TFPI: variants seen among roughly 807,000 people sequenced by gnomAD.
The protein encoded by TFPI is anti-convertin.
A neutral mutation model predicts 34.6 loss-of-function variants in TFPI; 15 were observed. The ratio of observed to expected loss-of-function variants is 0.43; its 90% CI spans 0.29 to 0.67. The LOEUF is 0.67. Among genes scored for constraint, TFPI ranks in the 30% least tolerant of loss-of-function variants. TFPI has a pLI of 0.15. For missense variants in TFPI, 301 were observed against 364.0 expected (o/e 0.83, Z 1.41); for synonymous variants, 105 against 120.1 (o/e 0.87, Z 0.82).
intron 6 of TFPI, chr2:187,478,668 C>T: frequency 6.2e-7 from 1 of 1,611,304 alleles, no homozygotes. Flanking sequence ...ATGCCAAAAG[C>T]ACAAATATTA....
intron 1 of TFPI, among the ~76,000 whole-genome samples, chr2:187,513,259 G>A (rs1686768718): frequency 6.6e-6 from 1 of 152,004 alleles, no homozygotes; most frequent in Non-Finnish European, 1.5e-5. Context: ...AACACAACGG[G>A]TTTTTTCTTA....
chr2:187,553,795 A>G (rs1395710422), intron 1 of TFPI, among the ~76,000 whole-genome samples: 1 of 152,246 alleles, frequency 6.6e-6, no homozygotes, highest in East Asian at 1.9e-4. Context: ...TTTGAATAGA[A>G]GAATAACAGT....
At chr2:187,490,357 A>G (rs1685035800) in intron 3 of TFPI, among the ~76,000 whole-genome samples, 1 of 151,700 alleles carries the variant, frequency 6.6e-6, no homozygotes, top group Non-Finnish European at 1.5e-5. Context: ...AACTGAACTG[A>G]ATAATTGTAT....
In TFPI at chr2:187,484,998, T is replaced by A. The variant is rs774096747; in HGVS notation, c.359-11A>T. Reference sequence around the variant, plus strand: ...AGAAATCTGGCTTTTCTAGAAATTATAAAAATGTCAGAAAGCAATATTCTT... The same window carrying A: ...AGAAATCTGGCTTTTCTAGAAATTAAAAAAATGTCAGAAAGCAATATTCTT... On this transcript the variant is annotated splice_polypyrimidine_tract_variant and intron_variant, in intron 4 of 7. Coordinates refer to ENST00000233156, the MANE Select transcript of TFPI (RefSeq NM_006287.6). The A allele has an allele frequency of 2.2e-5, 33 of 1,483,582 alleles. No homozygotes were observed. The highest frequency in any genetic ancestry group is 2.3e-5 in the Non-Finnish European group (26 of 1,119,326). 91.9% of individuals were successfully genotyped at this position (1,483,582 alleles called of 1,614,324 possible). A position where few individuals can be genotyped will look rare whatever the true frequency, so the allele number is the denominator to read the frequency against.
chr2:187,538,278 A>T (rs1284610602), intron 1 of TFPI, among the ~76,000 whole-genome samples: 2 of 152,354 alleles, frequency 1.3e-5, no homozygotes, highest in East Asian at 3.9e-4. Context: ...ATAAAGACAT[A>T]TGCACAAGTA....
rs563860365 is a variant in TFPI at position 187,467,990 on chromosome 2, G to A, written c.629-58C>T. 87 of 1,412,264 alleles carry A rather than the reference G, an allele frequency of 6.2e-5. No individual in the cohort carries two copies. In the African/African-American group the frequency reaches 9.5e-4, roughly 15 times the overall value. The allele number at this position is 1,412,264 out of a possible 1,614,324, so 87.5% of individuals were successfully genotyped here. A position where few individuals can be genotyped will look rare whatever the true frequency, so the allele number is the denominator to read the frequency against. On this transcript the variant is annotated intron_variant, in intron 6 of 7. Coordinates refer to ENST00000233156, the MANE Select transcript of TFPI (RefSeq NM_006287.6). ...ATGTGATAGTGGATTTCAGGTTTTC[G>A]TATTGTATATTGTTTATAGATTAAT...
chr2:187,485,895 G>A (rs1285911935), intron 4 of TFPI, among the ~76,000 whole-genome samples: 1 of 151,516 alleles, frequency 6.6e-6, no homozygotes, highest in Non-Finnish European at 1.5e-5. Flanking sequence ...ACTGAACTGT[G>A]GTAACCTTTT....
At chr2:187,490,111 A>G (rs1479656481) in intron 3 of TFPI, among the ~76,000 whole-genome samples, 3 of 151,644 alleles carry the variant, frequency 2.0e-5, no homozygotes, top group Non-Finnish European at 4.4e-5. Context: ...TGGTTGACAC[A>G]CATTGGCATA....
chr2:187,473,013 GA>G (rs8176626), intron 6 of TFPI, among the ~76,000 whole-genome samples: 6,116 of 148,576 alleles, frequency 0.041, 184 homozygotes, highest in South Asian at 0.12. Context: ...ACTCCATCTC[GA>G]AAAAAAAAGA....
In TFPI at chr2:187,465,251, T is replaced by C. The variant is rs1260155190; in HGVS notation, c.*1685A>G. 6.6e-6 allele frequency: 1 copy of C among 152,100 alleles called. No homozygotes were observed. Among genetic ancestry groups the C allele is most frequent in the African/African-American group, 2.4e-5 (1 of 41,370 alleles). 9.4% of individuals were successfully genotyped at this position (152,100 alleles called of 1,614,324 possible). On this transcript the variant is annotated 3_prime_UTR_variant, in exon 8 of 8. Transcript: ENST00000233156. ...GGGGCATTGTGGTTTATACCTGTAA[T>C]CCCAGCACTTTGGGAGGCTGGGGCT...
In TFPI at chr2:187,464,521, T is replaced by A. The variant is rs1009078699; in HGVS notation, c.*2415A>T. The A allele has an allele frequency of 6.6e-6, 1 of 152,150 alleles. No individual in the cohort carries two copies. The highest frequency in any genetic ancestry group is 1.5e-5 in the Non-Finnish European group (1 of 68,022). 9.4% of individuals were successfully genotyped at this position (152,150 alleles called of 1,614,324 possible). ...TCAGTATATGTCTTTCTTGAGTAAGTAGTGAACCAATGGACCAGTGGTTAT... is the reference window on the plus strand; with the variant it reads ...TCAGTATATGTCTTTCTTGAGTAAGAAGTGAACCAATGGACCAGTGGTTAT... On this transcript the variant is annotated 3_prime_UTR_variant, in exon 8 of 8. Coordinates refer to ENST00000233156, the MANE Select transcript of TFPI (RefSeq NM_006287.6).
intron 1 of TFPI, among the ~76,000 whole-genome samples, chr2:187,521,659 C>T (rs1687379492): frequency 6.6e-6 from 1 of 152,062 alleles, no homozygotes; most frequent in South Asian, 2.1e-4. Context: ...ACCTCCACCT[C>T]CCGGGTTCAA....
At chr2:187,528,373 T>G (rs1044252642) in intron 1 of TFPI, among the ~76,000 whole-genome samples, 1 of 152,300 alleles carries the variant, frequency 6.6e-6, no homozygotes, top group Middle Eastern at 3.4e-3. Context: ...ATTATATTTA[T>G]TTTCCCTTCA....
At chr2:187,522,728 A>C (rs1433559144) in intron 1 of TFPI, among the ~76,000 whole-genome samples, 1 of 21,864 alleles carries the variant, frequency 4.6e-5, no homozygotes, top group Non-Finnish European at 1.0e-4. Context: ...CTAAAAATAC[A>C]AAAAAAAAAA....
intron 1 of TFPI, among the ~76,000 whole-genome samples, chr2:187,533,525 A>G (rs188729055): frequency 2.0e-5 from 3 of 152,338 alleles, no homozygotes; most frequent in East Asian, 1.9e-4. Flanking sequence ...ATTAACATCA[A>G]CAAAGAGGAC....
intron 6 of TFPI, among the ~76,000 whole-genome samples, chr2:187,483,744 C>G (rs1693048418): frequency 6.6e-6 from 1 of 151,910 alleles, no homozygotes; most frequent in Non-Finnish European, 1.5e-5. Context: ...GTCATACTGA[C>G]TTTAAAAGCA....
At chr2:187,469,099 T>A (rs1474380342) in intron 6 of TFPI, among the ~76,000 whole-genome samples, 1 of 151,560 alleles carries the variant, frequency 6.6e-6, no homozygotes, top group Non-Finnish European at 1.5e-5. Flanking sequence ...TGAAAAAAAA[T>A]CTCAAATTGA....
chr2:187,471,660 T>A (rs1247417120), intron 6 of TFPI, among the ~76,000 whole-genome samples: 1 of 150,144 alleles, frequency 6.7e-6, no homozygotes, highest in African/African-American at 2.4e-5. Context: ...AGGGTACACT[T>A]TTTTTTTTAA....
chr2:187,505,782 C>G (rs1231047520), intron 1 of TFPI, among the ~76,000 whole-genome samples: 1 of 152,046 alleles, frequency 6.6e-6, no homozygotes, highest in Non-Finnish European at 1.5e-5. Context: ...GACCCAAAAC[C>G]AGTCTGGGGT....
Sources: allele counts gnomAD v4.1 joint callset (sites outside exome capture counted in the v4.1 genomes callset), GRCh38; gene constraint gnomAD v4.1.1; transcripts MANE v1.5; gene names NCBI Gene and HGNC (gene_info 2026-07-23, HGNC 2026-07-21).